Variants in SPATA13 observed in about 807,000 individuals in gnomAD.
The protein encoded by SPATA13 is spermatogenesis associated 13.
A neutral mutation model predicts 104.0 loss-of-function variants in SPATA13; 50 were observed. The observed-to-expected ratio is 0.48, with a 90% CI of 0.38 to 0.61. SPATA13 has a LOEUF of 0.61. Among genes scored for constraint, SPATA13 ranks in the 20% least tolerant of loss-of-function variants. SPATA13 has a pLI of 0.00. For synonymous variants in SPATA13, 606 were observed against 667.5 expected (o/e 0.91, Z 1.42); for missense variants, 1,524 against 1,690.6 (o/e 0.90, Z 1.73).
chr13:24,038,155 C>T (rs1471676811), intron 3 of SPATA13, among the ~76,000 whole-genome samples: 3 of 152,052 alleles, frequency 2.0e-5, no homozygotes, highest in Non-Finnish European at 4.4e-5. Flanking sequence ...CCTCGTGATC[C>T]GCCTGCCTCG....
chr13:24,250,874 A>G (rs952701820), intron 3 of SPATA13, among the ~76,000 whole-genome samples: 2 of 152,244 alleles, frequency 1.3e-5, no homozygotes, highest in African/African-American at 4.8e-5. Flanking sequence ...GATGCTCCAC[A>G]GCCTTAGAAA....
intron 3 of SPATA13, among the ~76,000 whole-genome samples, chr13:24,098,456 G>T (rs1327264786): frequency 6.6e-6 from 1 of 152,054 alleles, no homozygotes; most frequent in Non-Finnish European, 1.5e-5. Context: ...AGTTAGCCAG[G>T]TGTGGTGGTG....
chr13:24,166,641 C>T (rs182021085), intron 1 of SPATA13, among the ~76,000 whole-genome samples: 66 of 152,288 alleles, frequency 4.3e-4, no homozygotes, highest in African/African-American at 1.6e-3. Context: ...TCCCACCAGA[C>T]CTATAAATTA....
chr13:24,217,812 G>C (rs1179804069), intron 1 of SPATA13, among the ~76,000 whole-genome samples: 2 of 152,132 alleles, frequency 1.3e-5, no homozygotes, highest in African/African-American at 4.8e-5. Context: ...CAGCAGGGCT[G>C]GAGCCACAGA....
intron 3 of SPATA13, among the ~76,000 whole-genome samples, chr13:24,087,675 C>T (rs532538262): frequency 1.3e-5 from 2 of 152,318 alleles, no homozygotes; most frequent in South Asian, 4.1e-4. Flanking sequence ...CATCTTTCAT[C>T]CCCTCTCTAC....
intron 1 of SPATA13, among the ~76,000 whole-genome samples, chr13:24,171,755 A>G (rs1490730371): frequency 6.6e-6 from 1 of 152,236 alleles, no homozygotes; most frequent in Admixed American, 6.5e-5. Flanking sequence ...TTACGTGAAT[A>G]ACAAAGTTTT....
At chr13:24,288,825 A>G (rs908252049) in intron 7 of SPATA13, among the ~76,000 whole-genome samples, 174 bp from the exon 8 acceptor site, 1 of 152,196 alleles carries the variant, frequency 6.6e-6, no homozygotes, top group Non-Finnish European at 1.5e-5. Flanking sequence ...TTTTTATTTT[A>G]AAACACCTAT....
At chr13:24,192,686 A>G (rs1211292495) in intron 1 of SPATA13, among the ~76,000 whole-genome samples, 3 of 152,164 alleles carry the variant, frequency 2.0e-5, no homozygotes, top group African/African-American at 7.2e-5. Context: ...GCACACAGAT[A>G]GGCTTACCCG....
At chr13:24,235,331 G>A (rs975755702) in intron 2 of SPATA13, among the ~76,000 whole-genome samples, 2 of 152,186 alleles carry the variant, frequency 1.3e-5, no homozygotes, top group Non-Finnish European at 2.9e-5. Flanking sequence ...TTTGAGATTC[G>A]CTGTCCAGGC....
intron 2 of SPATA13, among the ~76,000 whole-genome samples, chr13:23,992,417 AT>A (rs1875456527): frequency 6.6e-6 from 1 of 152,212 alleles, no homozygotes; most frequent in Non-Finnish European, 1.5e-5. Flanking sequence ...CACAATAAAA[AT>A]TTACCGCCTG....
intron 3 of SPATA13, among the ~76,000 whole-genome samples, chr13:24,140,164 AGT>A (rs1881714829): frequency 6.6e-6 from 1 of 152,230 alleles, no homozygotes; most frequent in African/African-American, 2.4e-5. Context: ...TGCCATAATA[AGT>A]TAAATCCATT....
Position 24,234,797 on chromosome 13 carries a change from A to G in SPATA13, c.1653+10215A>G, listed in dbSNP as rs1593446443. Among the ~76,000 whole-genome samples, 4 of 152,288 alleles carry G rather than the reference A, an allele frequency of 2.6e-5. No homozygotes were observed. In the East Asian group the frequency reaches 7.7e-4, roughly 29 times the overall value. ...TGCACTGATCTAGTAACTTTCTAGG[A>G]TACCAGGATCCATATGGCTGCCAGC... On this transcript the variant is annotated intron_variant, in intron 2 of 12. Transcript: ENST00000382108.
chr13:24,039,620 G>A (rs997345797), intron 3 of SPATA13, among the ~76,000 whole-genome samples: 1 of 151,958 alleles, frequency 6.6e-6, no homozygotes, highest in African/African-American at 2.4e-5. Context: ...CTTAGTTCTT[G>A]CTCTGGTTGT....
chr13:24,197,878 G>A (rs1870156638), intron 1 of SPATA13, among the ~76,000 whole-genome samples: 1 of 152,086 alleles, frequency 6.6e-6, no homozygotes, highest in Non-Finnish European at 1.5e-5. Context: ...GTTTCCTGGA[G>A]GCTGATTTTT....
At chr13:24,061,887 T>C (rs1485282503) in intron 3 of SPATA13, among the ~76,000 whole-genome samples, 1 of 148,326 alleles carries the variant, frequency 6.7e-6, no homozygotes, top group African/African-American at 2.5e-5. Context: ...AAATTAAAAA[T>C]TAAAAAAAAA....
chr13:24,156,929 GCCACC>G (rs1367730213), upstream of SPATA13, among the ~76,000 whole-genome samples: 2 of 152,126 alleles, frequency 1.3e-5, no homozygotes, highest in African/African-American at 4.8e-5. Flanking sequence ...TTTGTCCCCT[GCCACC>G]TTCACAACCA....
chr13:24,117,025 T>A (rs963839744), intron 3 of SPATA13, among the ~76,000 whole-genome samples: 1 of 152,186 alleles, frequency 6.6e-6, no homozygotes, highest in African/African-American at 2.4e-5. Context: ...CCTCCAGAAC[T>A]CTGAAAAGTT....
rs1261704964 is a variant in SPATA13, at chr13:24,011,895, C to G, written c.-146-5772C>G. Among the ~76,000 whole-genome samples, 1 of 141,040 alleles carries G rather than the reference C, an allele frequency of 7.1e-6. No individual in the cohort carries two copies. Among genetic ancestry groups the G allele is most frequent in the African/African-American group, 2.4e-5 (1 of 41,148 alleles). The allele number at this position is 141,040 out of a possible 152,430, so 92.5% of individuals were successfully genotyped here. ...GATGATCCCACAGACCCAGAATGCT[C>G]AGCCTTCTTCTTTAAACTTGCAGCG... is the stretch of plus-strand genomic sequence containing the variant. On this transcript the variant is annotated intron_variant, in intron 2 of 14. Transcript: ENST00000424834. The surrounding 1 kb of genome is among the most constrained non-coding windows in gnomAD (Gnocchi z 4.3).
At chr13:23,983,517 C>T (rs1332945051) in intron 1 of SPATA13, among the ~76,000 whole-genome samples, 1 of 152,194 alleles carries the variant, frequency 6.6e-6, no homozygotes, top group Non-Finnish European at 1.5e-5. Context: ...TGATCTGTGA[C>T]TTTGAAGACA....
Sources: gnomAD v4.1 joint callset for allele counts (sites outside exome capture counted in the v4.1 genomes callset) on GRCh38, gnomAD v4.1.1 for gene constraint, Gnocchi (gnomAD v3.1) non-coding constraint, MANE v1.5 for transcripts, NCBI Gene and HGNC (gene_info 2026-07-23, HGNC 2026-07-21) for gene names.